Variants in VPS53 observed in about 807,000 individuals in gnomAD.
VPS53 encodes VPS53 subunit of GARP complex, also known as vacuolar protein sorting-associated protein 53 homolog.
VPS53 carries 70 observed loss-of-function variants against 107.0 expected under a neutral mutation model. That is an observed-to-expected ratio of 0.65 (90% CI 0.54 to 0.80). The LOEUF is 0.80. VPS53 is among the 30% of genes least tolerant of loss of function. The pLI is 0.00. For synonymous variants in VPS53, 409 were observed against 393.3 expected (o/e 1.04, Z -0.47); for missense variants, 917 against 1,049.4 (o/e 0.87, Z 1.74).
At chr17:601,141 G>A (rs1244024890) in intron 12 of VPS53, 1 of 152,166 alleles carries the variant, frequency 6.6e-6, no homozygotes, top group Non-Finnish European at 1.5e-5. Flanking sequence ...TAAAAACAGG[G>A]ATCACTAATC....
intron 11 of VPS53, among the ~76,000 whole-genome samples, chr17:608,960 A>C (rs1370745596): frequency 6.6e-6 from 1 of 152,060 alleles, no homozygotes; most frequent in Non-Finnish European, 1.5e-5. Flanking sequence ...AAGAGTAAAG[A>C]TGATTTATAA....
intron 10 of VPS53, among the ~76,000 whole-genome samples, chr17:624,058 A>C (rs1969585183): frequency 1.3e-5 from 2 of 150,756 alleles, no homozygotes; most frequent in African/African-American, 4.9e-5. Context: ...GTGTTTCACC[A>C]TGTTGGCCAG....
At chr17:656,833 C>G in intron 5 of VPS53, 3 of 1,587,644 alleles carry the variant, frequency 1.9e-6, no homozygotes, top group Non-Finnish European at 2.6e-6. Context: ...TCTTGTCTCT[C>G]TCTTCAGCAA....
intron 8 of VPS53, 42 bp from the exon 9 acceptor site, chr17:628,273 C>T (rs1275398697): frequency 2.5e-6 from 4 of 1,605,498 alleles, no homozygotes; most frequent in Non-Finnish European, 2.5e-6. Context: ...CCAGAAACAA[C>T]CTTTAAACCT....
intron 1 of VPS53, among the ~76,000 whole-genome samples, chr17:712,871 C>T (rs1597523020): frequency 6.6e-6 from 1 of 152,140 alleles, no homozygotes; most frequent in Non-Finnish European, 1.5e-5. Flanking sequence ...TTATTCTTTT[C>T]TTCCATGAGA....
At chr17:691,027 C>T (rs1972759577) in intron 4 of VPS53, among the ~76,000 whole-genome samples, 1 of 152,154 alleles carries the variant, frequency 6.6e-6, no homozygotes, top group Non-Finnish European at 1.5e-5. Flanking sequence ...TATATGTTGA[C>T]ACAGCATGTC....
intron 13 of VPS53, among the ~76,000 whole-genome samples, chr17:567,467 A>C (rs531802094): frequency 1.1e-4 from 16 of 151,990 alleles, no homozygotes; most frequent in Middle Eastern, 3.4e-3. Context: ...CGTAAGGCTC[A>C]TTAGTTTTGA....
At chr17:658,646 C>T (rs926436432) in intron 5 of VPS53, among the ~76,000 whole-genome samples, 1 of 147,116 alleles carries the variant, frequency 6.8e-6, no homozygotes, top group African/African-American at 2.5e-5. Context: ...AAGTGAGATA[C>T]TCGGCCGTGA....
chr17:690,432 C>T lies in VPS53; in HGVS notation c.285+6986G>A, dbSNP rs79804036. 2.3e-3 allele frequency among the ~76,000 whole-genome samples: 350 copies of T among 152,314 alleles called. 9 individuals are homozygous for T. The East Asian group carries it at 0.055, about 24-fold the overall frequency. ...AAATTGTGAGAGTTACATGAAAATC[C>T]GGATTTCCGGCTGCTCTTGAAAAAC... On this transcript the variant is annotated intron_variant, in intron 4 of 21. Coordinates refer to ENST00000437048, the MANE Select transcript of VPS53 (RefSeq NM_001128159.3).
At chr17:677,251 C>T (rs1972205320) in intron 4 of VPS53, among the ~76,000 whole-genome samples, 1 of 152,122 alleles carries the variant, frequency 6.6e-6, no homozygotes, top group Non-Finnish European at 1.5e-5. Context: ...AACTACACCA[C>T]GGAATATTAT....
At chr17:588,774 G>T (rs1967472977) in intron 12 of VPS53, among the ~76,000 whole-genome samples, 2 of 152,184 alleles carry the variant, frequency 1.3e-5, no homozygotes, top group South Asian at 2.1e-4. Flanking sequence ...GAATCTGCCG[G>T]ATCTAGAATT....
intron 4 of VPS53, chr17:676,252 G>C (rs1388913936): frequency 1.3e-5 from 2 of 152,206 alleles, no homozygotes; most frequent in African/African-American, 2.4e-5. Context: ...GTGGATGAAA[G>C]AGGGAAGAGG....
At chr17:551,835 T>G in intron 17 of VPS53, 37 bp downstream of exon 17, 2 of 1,536,928 alleles carry the variant, frequency 1.3e-6, no homozygotes, top group Non-Finnish European at 1.8e-6. Context: ...TGGGCTGCTC[T>G]CGTTAGTTTG....
chr17:562,666 C>T lies in VPS53; in HGVS notation c.1393G>A (p.Gly465Ser). The change falls in exon 14 of 22, where the codon GGT becomes AGT. Residue 465 changes from glycine (G) to serine (S), a missense_variant. By Grantham distance (56) the Gly-to-Ser change is moderately conservative (BLOSUM62 0). Transcript: ENST00000437048. ...GPPKPNTDEG[G>S]AVLPSCADLF... is the part of the protein sequence containing the mutation. ...TCGGCGCAGCTGGGGAGCACGGCAC[C>T]CCCTTCATCAGTGTTGGGCTTAGGT... The T allele has an allele frequency of 6.2e-7, 1 of 1,613,832 alleles. No individual in the cohort carries two copies. Among genetic ancestry groups the T allele is most frequent in the Non-Finnish European group, 8.5e-7 (1 of 1,179,962 alleles).
chr17:641,514 G>A (rs971988535), intron 7 of VPS53, among the ~76,000 whole-genome samples: 1 of 152,176 alleles, frequency 6.6e-6, no homozygotes, highest in East Asian at 1.9e-4. Context: ...GTACAGTGGT[G>A]CATTTGTGGC....
chr17:519,188 T>C lies in VPS53; in HGVS notation c.2439A>G (p.Thr813=). 1 of 1,548,774 alleles carries C rather than the reference T, an allele frequency of 6.5e-7. No individual in the cohort carries two copies. Among genetic ancestry groups the C allele is most frequent in the Non-Finnish European group, 8.7e-7 (1 of 1,146,088 alleles). Residue 813 remains threonine, a synonymous_variant, in exon 22 of 22, where the codon ACA becomes ACG. Transcript: ENST00000437048. The surrounding 1 kb of genome is among the most constrained non-coding windows in gnomAD (Gnocchi z 5.0). ...GGATGCGTGACGACTCTTGCTCTGG[T>C]GTTGGCGCCGTCAGGGACAGTGAGC... The part of the protein sequence containing the change: ...SSGSLSLTAP[T]PEQESSRIRK...
At chr17:544,299 G>A (rs773442094) in intron 17 of VPS53, among the ~76,000 whole-genome samples, 4 of 152,136 alleles carry the variant, frequency 2.6e-5, no homozygotes, top group Non-Finnish European at 4.4e-5. Context: ...TGACAGAAAT[G>A]TATCAACTAA....
At chr17:564,472 G>A (rs932123653) in intron 13 of VPS53, among the ~76,000 whole-genome samples, 1 of 151,756 alleles carries the variant, frequency 6.6e-6, no homozygotes, top group African/African-American at 2.4e-5. Flanking sequence ...CCCGGGAGGC[G>A]GAGCTTGCAG....
At chr17:667,089 G>A (rs562221835) in intron 4 of VPS53, among the ~76,000 whole-genome samples, 1 of 152,300 alleles carries the variant, frequency 6.6e-6, no homozygotes, top group South Asian at 2.1e-4. Context: ...AAGCCAGTCT[G>A]CCACGTCTGC....
Sources: gnomAD v4.1 joint callset for allele counts (sites outside exome capture counted in the v4.1 genomes callset) on GRCh38, gnomAD v4.1.1 for gene constraint, Gnocchi (gnomAD v3.1) non-coding constraint, MANE v1.5 for transcripts, NCBI Gene and HGNC (gene_info 2026-07-23, HGNC 2026-07-21) for gene names.